The following CHST10 variants were observed in gnomAD, a reference collection of about 807,000 sequenced individuals.
CHST10 encodes the protein HNK-1 sulfotransferase.
Under a neutral mutation model 34.7 loss-of-function variants are expected in CHST10, and 24 were observed. That is an observed-to-expected ratio of 0.69 (90% CI 0.50 to 0.97). The LOEUF (loss-of-function observed/expected upper bound fraction) is 0.97. Ranked by LOEUF, CHST10 falls within the 50% of genes least tolerant of loss-of-function variation. The pLI is 0.00. For synonymous variants in CHST10, 161 were observed against 169.3 expected (o/e 0.95, Z 0.38); for missense variants, 402 against 452.1 (o/e 0.89, Z 1.00).
chr2:100,411,019 A>G (rs1675811371), intron 2 of CHST10, among the ~76,000 whole-genome samples: 1 of 152,088 alleles, frequency 6.6e-6, no homozygotes, highest in South Asian at 2.1e-4. Flanking sequence ...ATAGACACAT[A>G]TATGTAATAC....
Position 100,402,658 on chromosome 2 carries a change from G to A in CHST10, c.101-3C>T, listed in dbSNP as rs1224390137. The stretch of plus-strand genomic sequence containing the variant: ...AAACTCCTGTTTGGCACTGTACACT[G>A]GAAGACAGAGAGGTTGAATGTCTTC... On this transcript the variant is annotated splice_polypyrimidine_tract_variant and splice_region_variant and intron_variant, in intron 3 of 6. Coordinates refer to ENST00000264249, the MANE Select transcript of CHST10 (RefSeq NM_004854.5). 6.2e-7 allele frequency: 1 copy of A among 1,613,232 alleles called. No homozygotes were observed. The highest frequency in any genetic ancestry group is 1.7e-5 in the Admixed American group (1 of 60,008).
chr2:100,406,543 G>T, intron 3 of CHST10, 33 bp downstream of exon 3: 1 of 1,612,578 alleles, frequency 6.2e-7, no homozygotes, highest in Middle Eastern at 1.7e-4. Flanking sequence ...GTCTAAATTA[G>T]CCAAAATTCG....
rs1475576098 is a variant in CHST10, at chr2:100,406,725, G to C, written c.-32-18C>G. ...GACTCTTCCTGGAAAACACAAGCGA[G>C]ATGCCCCTGCTGCTTACAAATACAT... On this transcript the variant is annotated intron_variant, in intron 2 of 6. Coordinates refer to ENST00000264249, the MANE Select transcript of CHST10 (RefSeq NM_004854.5). 1.9e-6 allele frequency: 3 copies of C among 1,607,304 alleles called. No individual in the cohort carries two copies. The highest frequency in any genetic ancestry group is 2.5e-6 in the Non-Finnish European group (3 of 1,176,810).
chr2:100,406,762 A>T, intron 2 of CHST10, 55 bp from the exon 3 acceptor site: 1 of 1,538,356 alleles, frequency 6.5e-7, no homozygotes, highest in Non-Finnish European at 8.8e-7. Flanking sequence ...AAGTCAACAA[A>T]GAGGAATGAA....
intron 2 of CHST10, among the ~76,000 whole-genome samples, chr2:100,412,046 C>A (rs1463812429): frequency 6.6e-6 from 1 of 152,134 alleles, no homozygotes; most frequent in Admixed American, 6.5e-5. Context: ...ATGGGAGCCC[C>A]TGAAGAGAGT....
intron 2 of CHST10, among the ~76,000 whole-genome samples, chr2:100,410,194 G>A (rs1179295814): frequency 6.6e-6 from 1 of 152,258 alleles, no homozygotes; most frequent in African/African-American, 2.4e-5. Flanking sequence ...CCAGGAGGGA[G>A]CTCTCTGAGG....
At chr2:100,417,131 A>G (rs1239790933) in intron 1 of CHST10, 2 of 1,114,208 alleles carry the variant, frequency 1.8e-6, no homozygotes, top group Non-Finnish European at 2.4e-6. Flanking sequence ...AGGCTCGCAC[A>G]ATATCAATAA....
rs1675940468 is a variant in CHST10 at position 100,413,644 on chromosome 2, ATCCT to A, written c.-33+1393_-33+1396del. Among the ~76,000 whole-genome samples, 8 of 152,292 alleles carry A rather than the reference ATCCT, an allele frequency of 5.3e-5. 1 individual carries two copies. In the South Asian group the frequency reaches 1.7e-3, roughly 32 times the overall value. ...TTACTATTACCATCTCTTGATGCAAATCCTTCCTCCCCTGCATTTTGAAAAGGAA... is the reference window on the plus strand; with the variant it reads ...TTACTATTACCATCTCTTGATGCAAATCCTCCCCTGCATTTTGAAAAGGAA... On this transcript the variant is annotated intron_variant, in intron 2 of 6. Transcript: ENST00000264249.
rs920871648 is a variant in CHST10 at position 100,392,666 on chromosome 2, G to A, written c.*579C>T. 1 of 161,228 alleles carries A rather than the reference G, an allele frequency of 6.2e-6. No homozygotes were observed. Among genetic ancestry groups the A allele is most frequent in the African/African-American group, 2.4e-5 (1 of 41,516 alleles). The allele number at this position is 161,228 out of a possible 1,614,324, so 10.0% of individuals were successfully genotyped here. A position where few individuals can be genotyped will look rare whatever the true frequency, so the allele number is the denominator to read the frequency against. On this transcript the variant is annotated 3_prime_UTR_variant, in exon 7 of 7. Transcript: ENST00000264249. ...TCTGGCCATCGCTGACTGTCTACAG[G>A]AACAAAATAGTCACAGAAAGAATGC... is the stretch of plus-strand genomic sequence containing the variant.
At chr2:100,411,598 G>C (rs1675846643) in intron 2 of CHST10, among the ~76,000 whole-genome samples, 1 of 152,052 alleles carries the variant, frequency 6.6e-6, no homozygotes, top group Non-Finnish European at 1.5e-5. Context: ...CAAGTTTAAG[G>C]ACAAAATAAC....
Position 100,398,058 on chromosome 2 carries a change from T to C in CHST10, c.277A>G (p.Arg93Gly). Residue 93 changes from arginine to glycine, a missense_variant, in exon 5 of 7, where the codon AGG becomes GGG. Arg to Gly is a moderately radical substitution (Grantham distance 125). Coordinates refer to ENST00000264249, the MANE Select transcript of CHST10 (RefSeq NM_004854.5). ...GAGAGATTCTTCAGGGCATCATCCCTGCAGACGTTTCTGATGAGTTCCAGG... is the reference window on the plus strand; with the variant it reads ...GAGAGATTCTTCAGGGCATCATCCCCGCAGACGTTTCTGATGAGTTCCAGG... ...ERLELIRNVC[R>G]DDALKNLSHT... The C allele has an allele frequency of 6.2e-7, 1 of 1,614,216 alleles. No individual in the cohort carries two copies. Among genetic ancestry groups the C allele is most frequent in the South Asian group, 1.1e-5 (1 of 91,080 alleles).
chr2:100,402,755 C>T, intron 3 of CHST10, 100 bp from the exon 4 acceptor site: 1 of 1,012,988 alleles, frequency 9.9e-7, no homozygotes, highest in Non-Finnish European at 1.5e-6. Flanking sequence ...TCAAAGATGC[C>T]CAAATGCCTT....
chr2:100,412,076 G>A (rs1337358712), intron 2 of CHST10, among the ~76,000 whole-genome samples: 3 of 152,176 alleles, frequency 2.0e-5, no homozygotes, highest in African/African-American at 4.8e-5. Flanking sequence ...AAAGAGGGGT[G>A]GTGATGTCAT....
chr2:100,403,895 C>A (rs1444800721), intron 3 of CHST10, among the ~76,000 whole-genome samples: 1 of 152,232 alleles, frequency 6.6e-6, no homozygotes, highest in Admixed American at 6.5e-5. Context: ...AAGATCCAGG[C>A]TCCGGGACAC....
chr2:100,395,346 G>C (rs1009240042), intron 6 of CHST10, among the ~76,000 whole-genome samples, 163 bp downstream of exon 6: 1 of 152,152 alleles, frequency 6.6e-6, no homozygotes, highest in Non-Finnish European at 1.5e-5. Context: ...TTGAGGCGCC[G>C]AATGGGGGGT....
At chr2:100,417,012 C>A in intron 1 of CHST10, 9 of 1,304,340 alleles carry the variant, frequency 6.9e-6, no homozygotes, top group Non-Finnish European at 9.1e-6. Context: ...GCTCCTTCTT[C>A]CCTGCCTTCC....
At position 100,410,817 on chromosome 2, in the gene CHST10, C is replaced by T. The variant is rs530521109; in HGVS notation, c.-32-4110G>A. ...GATTGGGGGGTTTAGGAAATCATGC[C>T]GAAGTCCAAAAACATTTTCATTTCA... On this transcript the variant is annotated intron_variant, in intron 2 of 6. Coordinates refer to ENST00000264249, the MANE Select transcript of CHST10 (RefSeq NM_004854.5). Among the ~76,000 whole-genome samples, 7 of 152,118 alleles carry T rather than the reference C, an allele frequency of 4.6e-5. No homozygotes were observed. In the East Asian group the frequency reaches 1.2e-3, roughly 25 times the overall value.
rs748188413 is a variant in CHST10, at chr2:100,393,583, C to T, written c.733G>A (p.Gly245Ser). Residue 245 changes from glycine to serine, a missense_variant, in exon 7 of 7, where the codon GGC becomes AGC. Coordinates refer to ENST00000264249, the MANE Select transcript of CHST10 (RefSeq NM_004854.5). Reference sequence around the variant, plus strand: ...TCTAGCCATCTGTGGTTCGGATCGCCGAGGTAGCGCACGAAATCTTCAAAC... The same window carrying T: ...TCTAGCCATCTGTGGTTCGGATCGCTGAGGTAGCGCACGAAATCTTCAAAC... ...IQFEDFVRYL[G>S]DPNHRWLDLQ... 2.1e-5 allele frequency: 34 copies of T among 1,613,952 alleles called. No individual in the cohort carries two copies. The highest frequency in any genetic ancestry group is 1.8e-4 in the East Asian group (8 of 44,886).
At chr2:100,393,871 G>C (rs1008222118) in intron 6 of CHST10, 89 bp from the exon 7 acceptor site, 3 of 1,076,012 alleles carry the variant, frequency 2.8e-6, no homozygotes, top group Admixed American at 2.0e-5. Context: ...GCGGAGTGCA[G>C]CACTGTGTAT....
Sources: allele counts gnomAD v4.1 joint callset (sites outside exome capture counted in the v4.1 genomes callset), GRCh38; gene constraint gnomAD v4.1.1; transcripts MANE v1.5; gene names NCBI Gene and HGNC (gene_info 2026-07-23, HGNC 2026-07-21).